The following ITFG1 variants were observed in gnomAD, a reference collection of about 807,000 sequenced individuals.
ITFG1 encodes the protein T-cell immunomodulatory protein.
A neutral mutation model predicts 81.8 loss-of-function variants in ITFG1; 34 were observed. The observed-to-expected ratio is 0.42, with a 90% CI of 0.32 to 0.55. ITFG1 has a LOEUF of 0.55. Among genes scored for constraint, ITFG1 ranks in the 20% least tolerant of loss-of-function variants. The pLI, the probability that ITFG1 is intolerant of heterozygous loss-of-function variation, is 0.17. For synonymous variants in ITFG1, 285 were observed against 270.6 expected, an observed-to-expected ratio of 1.05 and a Z score of -0.52; for missense variants, 672 against 755.4, an observed-to-expected ratio of 0.89 and a Z score of 1.29.
intron 14 of ITFG1, among the ~76,000 whole-genome samples, chr16:47,208,725 T>C (rs2151523292): frequency 6.6e-6 from 1 of 152,344 alleles, no homozygotes; most frequent in African/African-American, 2.4e-5. Flanking sequence ...CTGATCATCT[T>C]ATCTGGAATC....
chr16:47,242,861 T>C (rs936862669), intron 12 of ITFG1, among the ~76,000 whole-genome samples: 1 of 152,156 alleles, frequency 6.6e-6, no homozygotes, highest in Non-Finnish European at 1.5e-5. Flanking sequence ...GGTTAGTAAC[T>C]AATAAGGGGG....
At chr16:47,453,104 G>C (rs1321360173) in intron 3 of ITFG1, among the ~76,000 whole-genome samples, 2 of 152,110 alleles carry the variant, frequency 1.3e-5, no homozygotes, top group Non-Finnish European at 2.9e-5. Context: ...CAATTAACAA[G>C]GTTTTGGTGT....
chr16:47,181,524 G>C (rs1383681615), intron 14 of ITFG1, among the ~76,000 whole-genome samples: 10 of 129,430 alleles, frequency 7.7e-5, no homozygotes, highest in Non-Finnish European at 1.5e-4. Flanking sequence ...CCCCCCACCC[G>C]GCCAGCCTCC....
chr16:47,259,794 A>C (rs990464119), intron 11 of ITFG1, among the ~76,000 whole-genome samples: 2 of 152,174 alleles, frequency 1.3e-5, no homozygotes, highest in South Asian at 4.1e-4. Flanking sequence ...AAAGCCTTTC[A>C]TAAGGTCACC....
intron 5 of ITFG1, among the ~76,000 whole-genome samples, chr16:47,433,796 C>T (rs1276116000): frequency 2.9e-4 from 37 of 128,624 alleles, no homozygotes; most frequent in African/African-American, 7.1e-4. Flanking sequence ...TATATATACA[C>T]ACACACACAT....
At chr16:47,327,560 T>C (rs1283102698) in intron 8 of ITFG1, among the ~76,000 whole-genome samples, 2 of 151,908 alleles carry the variant, frequency 1.3e-5, no homozygotes, top group African/African-American at 2.4e-5. Context: ...GGGAGAAAAT[T>C]TTTGCAACCT....
intron 8 of ITFG1, among the ~76,000 whole-genome samples, chr16:47,354,525 C>T (rs1182156471): frequency 2.0e-5 from 3 of 151,994 alleles, no homozygotes; most frequent in Admixed American, 1.3e-4. Flanking sequence ...CTCAAAAGCA[C>T]AGGCAACAAA....
chr16:47,242,730 T>G (rs188733387), intron 12 of ITFG1, among the ~76,000 whole-genome samples: 1 of 152,210 alleles, frequency 6.6e-6, no homozygotes, highest in South Asian at 2.1e-4. Flanking sequence ...TAGGTCGAAG[T>G]AGAAAATTAT....
chr16:47,168,955 G>A (rs1033802855), intron 14 of ITFG1, among the ~76,000 whole-genome samples: 4 of 151,992 alleles, frequency 2.6e-5, no homozygotes, highest in African/African-American at 9.7e-5. Flanking sequence ...TTATACAAAT[G>A]TTCTAGTATG....
At chr16:47,356,517 G>C (rs1161770157) in intron 8 of ITFG1, among the ~76,000 whole-genome samples, 1 of 152,184 alleles carries the variant, frequency 6.6e-6, no homozygotes, top group Non-Finnish European at 1.5e-5. Context: ...CTAGGGAACC[G>C]AACAGGAAAA....
intron 10 of ITFG1, among the ~76,000 whole-genome samples, chr16:47,276,411 G>A (rs183824255): frequency 6.6e-6 from 1 of 152,252 alleles, no homozygotes; most frequent in East Asian, 1.9e-4. Flanking sequence ...AAATGTTATG[G>A]AATGGAAGAT....
rs1966107485 is a variant in ITFG1, at chr16:47,253,777, A to C, written c.1330+4855T>G. ...GAGACAGAGCTCAGGCGGTAATGCC[A>C]GTGATGGGGTGTGGCTATAAATACA... is the stretch of plus-strand genomic sequence containing the variant. On this transcript the variant is annotated intron_variant, in intron 12 of 17. Coordinates refer to ENST00000320640, the MANE Select transcript of ITFG1 (RefSeq NM_030790.5). 2.6e-5 allele frequency among the ~76,000 whole-genome samples: 4 copies of C among 152,274 alleles called. No individual in the cohort carries two copies. In the South Asian group the frequency reaches 6.2e-4, roughly 24 times the overall value.
At chr16:47,257,239 G>A (rs1966150147) in intron 12 of ITFG1, among the ~76,000 whole-genome samples, 1 of 152,070 alleles carries the variant, frequency 6.6e-6, no homozygotes, top group African/African-American at 2.4e-5. Context: ...AAAATCCCAA[G>A]GAATCTTCAA....
At chr16:47,212,134 GT>G (rs1274516899) in intron 14 of ITFG1, among the ~76,000 whole-genome samples, 1 of 151,866 alleles carries the variant, frequency 6.6e-6, no homozygotes, top group Non-Finnish European at 1.5e-5. Context: ...TCTTTGTCTG[GT>G]TTTGGTATCA....
chr16:47,203,071 G>A (rs573850669), intron 14 of ITFG1, among the ~76,000 whole-genome samples: 3 of 152,252 alleles, frequency 2.0e-5, no homozygotes, highest in Admixed American at 2.0e-4. Context: ...GCAGGATTAC[G>A]ATAGCCAAAA....
At position 47,313,813 on chromosome 16, in the gene ITFG1, T is replaced by A; in HGVS notation, c.813A>T (p.Gly271=). 6.3e-7 allele frequency: 1 copy of A among 1,595,826 alleles called. No homozygotes were observed. The highest frequency in any genetic ancestry group is 1.3e-5 in the African/African-American group (1 of 74,236). The stretch of plus-strand genomic sequence containing the variant: ...AGCCTGGCAGTAAATGATCCATGTG[T>A]CCATCTCCATCTGCCAAAAGAAACT... The part of the protein sequence containing the change: ...QSAFADFDGD[G]HMDHLLPGCE... The change falls in exon 9 of 18, where the codon GGA becomes GGT. Residue 271 remains glycine, a synonymous_variant. Coordinates refer to ENST00000320640, the MANE Select transcript of ITFG1 (RefSeq NM_030790.5).
At chr16:47,168,555 T>G (rs891529798) in intron 14 of ITFG1, among the ~76,000 whole-genome samples, 11 of 149,108 alleles carry the variant, frequency 7.4e-5, no homozygotes, top group Non-Finnish European at 1.3e-4. Context: ...GTTTTTTTTT[T>G]TTTTTTTTTT....
At chr16:47,166,807 C>T (rs1964896155) in intron 14 of ITFG1, among the ~76,000 whole-genome samples, 1 of 90,792 alleles carries the variant, frequency 1.1e-5, no homozygotes, top group East Asian at 3.4e-4. Context: ...TTCTTTCATT[C>T]CTAGATACAG....
At chr16:47,412,975 A>T (rs981590578) in intron 6 of ITFG1, among the ~76,000 whole-genome samples, 1 of 152,156 alleles carries the variant, frequency 6.6e-6, no homozygotes, top group Non-Finnish European at 1.5e-5. Context: ...ATTTCCCCCA[A>T]TCTGGCTAGA....
Sources: allele counts gnomAD v4.1 joint callset (sites outside exome capture counted in the v4.1 genomes callset), GRCh38; gene constraint gnomAD v4.1.1; transcripts MANE v1.5; gene names NCBI Gene and HGNC (gene_info 2026-07-23, HGNC 2026-07-21).